Variants in SGK1 observed in about 807,000 individuals in gnomAD.
The protein encoded by SGK1 is serine/threonine-protein kinase Sgk1.
In SGK1, 26 loss-of-function variants were observed where a neutral mutation model predicts 64.2. That is an observed-to-expected ratio of 0.40 (90% CI 0.30 to 0.56). The LOEUF (loss-of-function observed/expected upper bound fraction) is 0.56, where lower values mean the gene tolerates loss of function less well. Ranked by LOEUF, SGK1 falls within the 20% of genes least tolerant of loss-of-function variation. The probability of loss-of-function intolerance (pLI) is 0.38; values close to 1 mark genes in which losing one functional copy is unlikely to be tolerated. For synonymous variants in SGK1, 265 were observed against 239.7 expected, an observed-to-expected ratio of 1.11 and a Z score of -0.98; for missense variants, 519 against 645.6, an observed-to-expected ratio of 0.80 and a Z score of 2.12.
At chr6:134,212,887 T>C (rs1475133142) in intron 2 of SGK1, among the ~76,000 whole-genome samples, 1 of 152,208 alleles carries the variant, frequency 6.6e-6, no homozygotes, top group Non-Finnish European at 1.5e-5. Context: ...CCTTGAGGCT[T>C]TCGTATGAAG....
At chr6:134,173,686 A>G in intron 5 of SGK1, 120 bp from the exon 6 acceptor site, 1 of 685,064 alleles carries the variant, frequency 1.5e-6, no homozygotes, top group Non-Finnish European at 2.4e-6. Context: ...CCATACATCT[A>G]TAAACATTCA....
intron 10 of SGK1, 182 bp downstream of exon 10, chr6:134,172,011 A>AG (rs141988023): frequency 0.15 from 112,559 of 773,108 alleles, 12,374 homozygotes; most frequent in African/African-American, 0.46. Flanking sequence ...TTTTCAGTAA[A>AG]GGAACAGAAG....
intron 1 of SGK1, among the ~76,000 whole-genome samples, chr6:134,280,182 G>GA (rs1241104562): frequency 7.2e-6 from 1 of 139,066 alleles, no homozygotes; most frequent in Non-Finnish European, 1.5e-5. Context: ...GCAACAGGCA[G>GA]AATGAGACAC....
chr6:134,173,520 T>A lies in SGK1; in HGVS notation c.560A>T (p.His187Leu). ...GAAGTGAAAGTCAGATGGTTTAGCA[T>A]GAGGATTGGACGACGGGCCAAGGTT... The part of the protein sequence containing the change: ...QINLGPSSNP[H>L]AKPSDFHFLK... Residue 187 changes from histidine to leucine, a missense_variant, in exon 6 of 14, where the codon CAT (histidine) becomes CTT (leucine). Physicochemically the swap from His to Leu is moderately conservative, Grantham distance 99. Coordinates refer to ENST00000367858, the MANE Select transcript of SGK1 (RefSeq NM_001143676.3). The A allele has an allele frequency of 6.2e-7, 1 of 1,612,750 alleles. No homozygotes were observed. Among genetic ancestry groups the A allele is most frequent in the Non-Finnish European group, 8.5e-7 (1 of 1,179,712 alleles).
At chr6:134,175,657 C>G (rs992468654) in intron 3 of SGK1, 2 of 1,507,098 alleles carry the variant, frequency 1.3e-6, no homozygotes, top group East Asian at 2.6e-5. Context: ...CTGCATCTCC[C>G]CCATGGGCAG....
chr6:134,239,231 T>C (rs1037957636), intron 2 of SGK1, among the ~76,000 whole-genome samples: 2 of 152,276 alleles, frequency 1.3e-5, no homozygotes, highest in African/African-American at 2.4e-5. Flanking sequence ...AAGAACCTCA[T>C]TGTGCTGCTA....
At chr6:134,287,783 T>A (rs1367184140) in intron 1 of SGK1, among the ~76,000 whole-genome samples, 1 of 152,156 alleles carries the variant, frequency 6.6e-6, no homozygotes, top group African/African-American at 2.4e-5. Flanking sequence ...AGTTTTTTTA[T>A]GGAAAGTAAT....
intron 1 of SGK1, among the ~76,000 whole-genome samples, chr6:134,280,440 T>C (rs1025484780): frequency 2.6e-5 from 4 of 152,062 alleles, no homozygotes; most frequent in African/African-American, 9.7e-5. Context: ...TTAAAATATA[T>C]ATATTTTTTA....
intron 1 of SGK1, among the ~76,000 whole-genome samples, chr6:134,301,465 A>G (rs545948545): frequency 1.3e-5 from 2 of 152,320 alleles, no homozygotes; most frequent in East Asian, 1.9e-4. Flanking sequence ...AGAAGCCACA[A>G]CTGAGTATTC....
At chr6:134,293,493 A>G (rs954000866) in intron 1 of SGK1, among the ~76,000 whole-genome samples, 1 of 152,230 alleles carries the variant, frequency 6.6e-6, no homozygotes, top group African/African-American at 2.4e-5. Context: ...GACATTGTGT[A>G]GATAAAACTT....
At chr6:134,203,716 G>T (rs1474897371) in intron 3 of SGK1, among the ~76,000 whole-genome samples, 1 of 152,132 alleles carries the variant, frequency 6.6e-6, no homozygotes, top group East Asian at 1.9e-4. Flanking sequence ...GATAAAGAAG[G>T]AAATTTCCTA....
At chr6:134,238,727 TA>T (rs1348897840) in intron 2 of SGK1, among the ~76,000 whole-genome samples, 1 of 152,096 alleles carries the variant, frequency 6.6e-6, no homozygotes, top group Non-Finnish European at 1.5e-5. Context: ...TGGAACACAT[TA>T]AAGTAAAAAC....
Position 134,173,343 on chromosome 6 carries a change from T to C in SGK1, c.633A>G (p.Arg211=), listed in dbSNP as rs55957552. ...CATAGAACACTTCTTCTGCCTTGTGTCTTGCTAGAAGAACCTGAAATTTCA... is the reference window on the plus strand; with the variant it reads ...CATAGAACACTTCTTCTGCCTTGTGCCTTGCTAGAAGAACCTGAAATTTCA... ...KGSFGKVLLA[R]HKAEEVFYAV... The change falls in exon 7 of 14, where the codon AGA becomes AGG. Residue 211 remains arginine, a synonymous_variant. Coordinates refer to ENST00000367858, the MANE Select transcript of SGK1 (RefSeq NM_001143676.3). 1.6e-3 allele frequency: 2,575 copies of C among 1,612,924 alleles called. 36 individuals are homozygous for C. In the East Asian group the frequency reaches 0.04, roughly 25 times the overall value.
At chr6:134,253,601 CCT>C (rs1433115965) in intron 2 of SGK1, among the ~76,000 whole-genome samples, 7 of 152,010 alleles carry the variant, frequency 4.6e-5, no homozygotes, top group Non-Finnish European at 7.4e-5. Context: ...TGCAGTGAGC[CCT>C]GATTGTGCCA....
chr6:134,268,164 T>C (rs1178865449), intron 1 of SGK1, among the ~76,000 whole-genome samples: 3 of 152,170 alleles, frequency 2.0e-5, no homozygotes, highest in Non-Finnish European at 4.4e-5. Context: ...AACTGGCCCA[T>C]TGTGTTTCCT....
chr6:134,179,323 C>A (rs1272989573), intron 3 of SGK1, among the ~76,000 whole-genome samples: 1 of 151,996 alleles, frequency 6.6e-6, no homozygotes, highest in Non-Finnish European at 1.5e-5. Context: ...AGTTCCCATA[C>A]TTTTTGATTC....
At chr6:134,299,803 C>CTT (rs10637676) in intron 1 of SGK1, among the ~76,000 whole-genome samples, 17,167 of 133,550 alleles carry the variant, frequency 0.13, 1,237 homozygotes, top group African/African-American at 0.2. Flanking sequence ...ATCCCTGTGA[C>CTT]TTTTTTTTTT....
chr6:134,198,369 A>G (rs558757065), intron 3 of SGK1, among the ~76,000 whole-genome samples: 3 of 152,342 alleles, frequency 2.0e-5, no homozygotes, highest in Admixed American at 2.0e-4. Context: ...TTGTGTAAGC[A>G]GATGATGTTT....
chr6:134,224,345 T>C (rs540600112), intron 2 of SGK1, among the ~76,000 whole-genome samples: 2 of 152,308 alleles, frequency 1.3e-5, no homozygotes, highest in South Asian at 2.1e-4. Context: ...GAAAAACATC[T>C]ATATAACATG....
Sources: gnomAD v4.1 joint callset for allele counts (sites outside exome capture counted in the v4.1 genomes callset) on GRCh38, gnomAD v4.1.1 for gene constraint, MANE v1.5 for transcripts, NCBI Gene and HGNC (gene_info 2026-07-23, HGNC 2026-07-21) for gene names.